Variants in CDK14 observed in about 807,000 individuals in gnomAD.
CDK14 encodes cyclin-dependent kinase 14.
Under a neutral mutation model 60.7 loss-of-function variants are expected in CDK14, and 34 were observed. The ratio of observed to expected loss-of-function variants is 0.56; its 90% CI spans 0.43 to 0.75. CDK14 has a LOEUF of 0.75. Among genes scored for constraint, CDK14 ranks in the 30% least tolerant of loss-of-function variants. CDK14 has a pLI of 0.00. For missense variants in CDK14, 482 were observed against 564.1 expected, an observed-to-expected ratio of 0.85 and a Z score of 1.47; for synonymous variants, 197 against 203.7, an observed-to-expected ratio of 0.97 and a Z score of 0.28.
At chr7:90,852,820 C>T (rs146860556) in intron 5 of CDK14, among the ~76,000 whole-genome samples, 1 of 152,218 alleles carries the variant, frequency 6.6e-6, no homozygotes, top group African/African-American at 2.4e-5. Flanking sequence ...GTAGAGTCAG[C>T]CTGAGGGATT....
At chr7:90,683,226 CTTTA>C (rs1328147285) in intron 2 of CDK14, among the ~76,000 whole-genome samples, 6 of 152,040 alleles carry the variant, frequency 3.9e-5, no homozygotes, top group African/African-American at 1.4e-4. Flanking sequence ...TTCTTTCTTT[CTTTA>C]TTCATTTATT....
In CDK14 at chr7:90,596,696, GT is replaced by G; in HGVS notation, c.70del (p.Ser24ArgfsTer9). On this transcript the variant is annotated frameshift_variant, in exon 1 of 15. Coordinates refer to ENST00000380050, the MANE Select transcript of CDK14 (RefSeq NM_001287135.2). LOFTEE classifies it high-confidence loss of function. ...GKMKKLRRTL[S>X]ESFSRIALKK... ...AGATGAAGAAGTTGCGGAGAACTTT[GT>G]CGGAGAGTTTCAGTCGCATTGGTGA... 2 of 1,612,042 alleles carry G rather than the reference GT, an allele frequency of 1.2e-6. No homozygotes were observed. Among genetic ancestry groups the G allele is most frequent in the Non-Finnish European group, 1.7e-6 (2 of 1,179,314 alleles).
intron 2 of CDK14, chr7:90,692,634 T>C: frequency 5.2e-6 from 5 of 965,416 alleles, no homozygotes; most frequent in Non-Finnish European, 6.2e-6. Context: ...TGGTGGAGAC[T>C]ATGCTGGCGG....
intron 2 of CDK14, among the ~76,000 whole-genome samples, chr7:90,643,529 A>G (rs1178920767): frequency 6.6e-6 from 1 of 152,226 alleles, no homozygotes; most frequent in African/African-American, 2.4e-5. Context: ...CTGGTCCAGT[A>G]GTAGCAAAGC....
intron 10 of CDK14, among the ~76,000 whole-genome samples, chr7:91,017,338 G>T (rs1161945596): frequency 6.6e-6 from 1 of 152,152 alleles, no homozygotes; most frequent in Non-Finnish European, 1.5e-5. Flanking sequence ...ATGCAGGGAG[G>T]ATTTCTAGCT....
intron 14 of CDK14, among the ~76,000 whole-genome samples, chr7:91,133,353 C>T (rs1157866858): frequency 6.6e-6 from 1 of 151,652 alleles, no homozygotes; most frequent in Admixed American, 6.6e-5. Flanking sequence ...CCTTAAACCA[C>T]CTTAATGGTT....
intron 8 of CDK14, among the ~76,000 whole-genome samples, chr7:90,946,108 T>G (rs915405055): frequency 6.6e-6 from 1 of 152,216 alleles, no homozygotes; most frequent in Non-Finnish European, 1.5e-5. Flanking sequence ...GGCCTCAGTT[T>G]ATTTTCTGTT....
chr7:90,774,842 C>T (rs1016871171), intron 4 of CDK14, among the ~76,000 whole-genome samples: 3 of 152,148 alleles, frequency 2.0e-5, no homozygotes, highest in African/African-American at 4.8e-5. Flanking sequence ...TAATGACCCT[C>T]GAGGGCTGTT....
chr7:91,139,243 T>A (rs73400999), intron 14 of CDK14, among the ~76,000 whole-genome samples: 44 of 152,318 alleles, frequency 2.9e-4, no homozygotes, highest in African/African-American at 1.0e-3. Flanking sequence ...TGGATAGTGA[T>A]ATCAATCTAG....
At chr7:91,158,107 TTATA>T (rs1801041852) in intron 14 of CDK14, among the ~76,000 whole-genome samples, 1 of 147,422 alleles carries the variant, frequency 6.8e-6, no homozygotes. Flanking sequence ...ATATAAATAT[TTATA>T]TATAAACAGT....
At chr7:90,745,344 T>C (rs1803548943) in intron 3 of CDK14, among the ~76,000 whole-genome samples, 1 of 152,198 alleles carries the variant, frequency 6.6e-6, no homozygotes, top group African/African-American at 2.4e-5. Context: ...GCAAAATTAT[T>C]TTTCCTTTTA....
chr7:90,977,478 C>CAG (rs71104502), intron 9 of CDK14, among the ~76,000 whole-genome samples: 150,049 of 152,174 alleles, frequency 0.99, 74,017 homozygotes, highest in East Asian at 1. Flanking sequence ...ATAATGCTGT[C>CAG]AGTTCTGAGG....
At chr7:91,146,390 AG>A (rs1800639487) in intron 14 of CDK14, among the ~76,000 whole-genome samples, 1 of 152,134 alleles carries the variant, frequency 6.6e-6, no homozygotes, top group East Asian at 1.9e-4. Context: ...TAGTAGAGTC[AG>A]GGTTTTGCCA....
intron 2 of CDK14, among the ~76,000 whole-genome samples, chr7:90,648,287 G>C (rs1197732749): frequency 6.6e-6 from 1 of 152,124 alleles, no homozygotes; most frequent in South Asian, 2.1e-4. Context: ...GAGGTTCCTT[G>C]CCTCATGGAC....
chr7:90,645,782 C>G (rs937272989), intron 2 of CDK14, among the ~76,000 whole-genome samples: 1 of 152,166 alleles, frequency 6.6e-6, no homozygotes, highest in Non-Finnish European at 1.5e-5. Flanking sequence ...AAAGATTTTC[C>G]ATCTTTAACA....
chr7:91,112,552 G>A lies in CDK14; in HGVS notation c.1165G>A (p.Val389Met), dbSNP rs1305283125. 1 of 1,613,360 alleles carries A rather than the reference G, an allele frequency of 6.2e-7. No individual in the cohort carries two copies. Among genetic ancestry groups the A allele is most frequent in the South Asian group, 1.1e-5 (1 of 91,018 alleles). Residue 389 changes from valine to methionine, a missense_variant, in exon 13 of 15, where the codon GTG (valine) becomes ATG (methionine). Transcript: ENST00000380050. ...TGCTCATGTTTTTAGGCTCAGCTAT[G>A]TGAACCATGCAGAGGACCTGGCCTC... is the stretch of plus-strand genomic sequence containing the variant. ...LRQAWNKLSY[V>M]NHAEDLASKL...
chr7:90,867,465 A>C (rs1328513183), intron 6 of CDK14, among the ~76,000 whole-genome samples: 1 of 152,236 alleles, frequency 6.6e-6, no homozygotes, highest in Non-Finnish European at 1.5e-5. Context: ...CTGATAGCAA[A>C]CATGATTATT....
chr7:91,017,770 T>C (rs1796337934), intron 10 of CDK14, among the ~76,000 whole-genome samples: 1 of 152,234 alleles, frequency 6.6e-6, no homozygotes, highest in African/African-American at 2.4e-5. Context: ...TGTTCTGATA[T>C]TGCTTTTGTT....
At chr7:90,724,969 T>A (rs981161847) in intron 2 of CDK14, among the ~76,000 whole-genome samples, 1 of 152,090 alleles carries the variant, frequency 6.6e-6, no homozygotes, top group Admixed American at 6.5e-5. Flanking sequence ...GGACTCTGCC[T>A]TGAGTCTTTT....
Sources: gnomAD v4.1 joint callset for allele counts (sites outside exome capture counted in the v4.1 genomes callset) on GRCh38, gnomAD v4.1.1 for gene constraint, MANE v1.5 for transcripts, NCBI Gene and HGNC (gene_info 2026-07-23, HGNC 2026-07-21) for gene names.